CNIH4: variants seen among roughly 807,000 people sequenced by gnomAD.
CNIH4 encodes the protein protein cornichon homolog 4.
A neutral mutation model predicts 21.5 loss-of-function variants in CNIH4; 9 were observed. That is an observed-to-expected ratio of 0.42 (90% CI 0.25 to 0.73). The LOEUF (loss-of-function observed/expected upper bound fraction) is 0.73, where lower values mean the gene tolerates loss of function less well. CNIH4 is among the 30% of genes least tolerant of loss of function. The pLI, the probability that CNIH4 is intolerant of heterozygous loss-of-function variation, is 0.27. For missense variants in CNIH4, 159 were observed against 170.0 expected (o/e 0.94, Z 0.36); for synonymous variants, 67 against 59.1 (o/e 1.13, Z -0.61).
intron 3 of CNIH4, among the ~76,000 whole-genome samples, chr1:224,368,666 T>G (rs906662678): frequency 2.0e-5 from 3 of 151,910 alleles, no homozygotes; most frequent in African/African-American, 7.3e-5. Context: ...CTGCACTTTT[T>G]TTTTTTTCGA....
intron 1 of CNIH4, 51 bp from the exon 2 acceptor site, chr1:224,360,444 A>G (rs1672246148): frequency 1.1e-6 from 1 of 935,124 alleles, no homozygotes; most frequent in Non-Finnish European, 1.6e-6. Flanking sequence ...TGAAACTTAA[A>G]TACTTAGTTA....
At chr1:224,357,646 T>C (rs904698887) in intron 1 of CNIH4, 4 of 152,380 alleles carry the variant, frequency 2.6e-5, no homozygotes, top group African/African-American at 9.6e-5. Context: ...TTAACAACTG[T>C]CTACAAAGTG....
At chr1:224,375,154 C>T (rs1174723862) in intron 4 of CNIH4, among the ~76,000 whole-genome samples, 1 of 152,190 alleles carries the variant, frequency 6.6e-6, no homozygotes, top group Non-Finnish European at 1.5e-5. Flanking sequence ...AAGCTTGGAA[C>T]TTGGTAATTG....
intron 4 of CNIH4, among the ~76,000 whole-genome samples, chr1:224,373,557 C>T (rs540203826): frequency 6.7e-6 from 1 of 150,156 alleles, no homozygotes; most frequent in South Asian, 2.1e-4. Context: ...TGGCTGGGCT[C>T]GGTGGCTCAT....
chr1:224,358,591 T>A (rs1572116035), intron 1 of CNIH4, among the ~76,000 whole-genome samples: 2 of 152,294 alleles, frequency 1.3e-5, no homozygotes, highest in African/African-American at 2.4e-5. Flanking sequence ...GATTTTTTTT[T>A]AAGTTCATCA....
intron 2 of CNIH4, among the ~76,000 whole-genome samples, chr1:224,365,590 CT>C (rs1320540601): frequency 6.6e-6 from 1 of 152,160 alleles, no homozygotes; most frequent in Admixed American, 6.6e-5. Context: ...AAACAATACT[CT>C]TTTTTTCTCT....
intron 3 of CNIH4, among the ~76,000 whole-genome samples, chr1:224,370,377 A>T (rs1414217524): frequency 6.6e-6 from 1 of 152,190 alleles, no homozygotes; most frequent in African/African-American, 2.4e-5. Context: ...AGTCCTTTGC[A>T]TTTCAAAGAA....
rs978137259 is a variant in CNIH4, at chr1:224,375,738, G to T, written c.393-57G>T. ...AGGGACGCAAGTCTGGACAAACCAG[G>T]CTCTGTAGGAACATTCCTGAGAAAA... On this transcript the variant is annotated intron_variant, in intron 4 of 4. Transcript: ENST00000465271. 35 of 1,605,442 alleles carry T rather than the reference G, an allele frequency of 2.2e-5. No individual in the cohort carries two copies. The African/African-American group carries it at 3.7e-4, about 17-fold the overall frequency.
chr1:224,371,823 T>C (rs1318882890), intron 4 of CNIH4, among the ~76,000 whole-genome samples: 1 of 152,208 alleles, frequency 6.6e-6, no homozygotes, highest in African/African-American at 2.4e-5. Context: ...ATGCCTGTAA[T>C]CCCAGCTACT....
chr1:224,360,676 T>C (rs1672261288), intron 2 of CNIH4, 113 bp downstream of exon 2: 1 of 476,632 alleles, frequency 2.1e-6, no homozygotes, highest in South Asian at 5.6e-5. Flanking sequence ...TTGTCTCTTA[T>C]TCATTGGAAA....
Position 224,363,881 on chromosome 1 carries a change from A to G in CNIH4, c.139-1998A>G, listed in dbSNP as rs565865572. On this transcript the variant is annotated intron_variant, in intron 2 of 4. Transcript: ENST00000465271. ...TATCTACCTGGACTTTTGTTGGGGTACCTGAAATGGCGGTGTTTTGGTAGG... is the reference window on the plus strand; with the variant it reads ...TATCTACCTGGACTTTTGTTGGGGTGCCTGAAATGGCGGTGTTTTGGTAGG... Among the ~76,000 whole-genome samples, 5 of 152,270 alleles carry G rather than the reference A, an allele frequency of 3.3e-5. No homozygotes were observed. In the South Asian group the frequency reaches 6.2e-4, roughly 19 times the overall value.
intron 1 of CNIH4, among the ~76,000 whole-genome samples, chr1:224,359,081 A>G (rs1190389852): frequency 6.6e-6 from 1 of 152,156 alleles, no homozygotes; most frequent in African/African-American, 2.4e-5. Context: ...TTTCTGGGCT[A>G]TGGTTAACGA....
Position 224,378,889 on chromosome 1 carries a change from T to C in CNIH4, c.*3067T>C. On this transcript the variant is annotated 3_prime_UTR_variant, in exon 5 of 5. Coordinates refer to ENST00000465271, the MANE Select transcript of CNIH4 (RefSeq NM_014184.4). ...GGCCTAGAGATCGTTCAGGGTGTTGTAACTGGGAACATCTGAATGCTGAGG... is the reference window on the plus strand; with the variant it reads ...GGCCTAGAGATCGTTCAGGGTGTTGCAACTGGGAACATCTGAATGCTGAGG... The C allele has an allele frequency of 1.7e-6, 1 of 589,310 alleles. No individual in the cohort carries two copies. The highest frequency in any genetic ancestry group is 3.1e-6 in the Non-Finnish European group (1 of 320,710). 36.5% of individuals were successfully genotyped at this position (589,310 alleles called of 1,614,324 possible).
At chr1:224,364,333 G>A in intron 2 of CNIH4, 1 of 985,420 alleles carries the variant, frequency 1.0e-6, no homozygotes. Context: ...GAAGGCTATA[G>A]CTTTAGGGAT....
At chr1:224,367,322 T>A (rs1672492718) in intron 3 of CNIH4, among the ~76,000 whole-genome samples, 1 of 152,088 alleles carries the variant, frequency 6.6e-6, no homozygotes, top group Non-Finnish European at 1.5e-5. Context: ...GAAGATGGGA[T>A]GCACATGAAA....
At chr1:224,363,444 A>G (rs2102854509) in intron 2 of CNIH4, among the ~76,000 whole-genome samples, 1 of 152,286 alleles carries the variant, frequency 6.6e-6, no homozygotes, top group African/African-American at 2.4e-5. Flanking sequence ...GTTCTCTGCG[A>G]ATACTGATTA....
rs771248464 is a variant in CNIH4 at position 224,356,922 on chromosome 1, A to G, written c.-3A>G. On this transcript the variant is annotated 5_prime_UTR_variant, in exon 1 of 5. Coordinates refer to ENST00000465271, the MANE Select transcript of CNIH4 (RefSeq NM_014184.4). ...GAAGGAGCGGCGGCGACGGAGGAGG[A>G]GGATGGAGGCGGTGGTGTTCGTCTT... 24 of 1,607,836 alleles carry G rather than the reference A, an allele frequency of 1.5e-5. No homozygotes were observed. In the South Asian group the frequency reaches 1.8e-4, roughly 12 times the overall value.
At chr1:224,364,704 G>A (rs1446676680) in intron 2 of CNIH4, among the ~76,000 whole-genome samples, 1 of 152,202 alleles carries the variant, frequency 6.6e-6, no homozygotes, top group Non-Finnish European at 1.5e-5. Context: ...GGAGGCTGAG[G>A]TGGGTGGATC....
In CNIH4 at chr1:224,376,999, G is replaced by A. The variant is rs1672799038; in HGVS notation, c.*1177G>A. On this transcript the variant is annotated 3_prime_UTR_variant, in exon 5 of 5. Coordinates refer to ENST00000465271, the MANE Select transcript of CNIH4 (RefSeq NM_014184.4). ...TTCACTCTAGTTGAGATAGAATTGG[G>A]TGGCTAAACAGGGTGTGTGGTACCC... The A allele has an allele frequency of 2.4e-6, 2 of 819,494 alleles. No individual in the cohort carries two copies. The allele number at this position is 819,494 out of a possible 1,614,324, so 50.8% of individuals were successfully genotyped here.
Sources: gnomAD v4.1 joint callset for allele counts (sites outside exome capture counted in the v4.1 genomes callset) on GRCh38, gnomAD v4.1.1 for gene constraint, MANE v1.5 for transcripts, NCBI Gene and HGNC (gene_info 2026-07-23, HGNC 2026-07-21) for gene names.